PDE1A: variants seen among roughly 807,000 people sequenced by gnomAD.
The protein encoded by PDE1A is dual specificity calcium/calmodulin-dependent 3',5'-cyclic nucleotide phosphodiesterase 1A.
A neutral mutation model predicts 61.7 loss-of-function variants in PDE1A; 35 were observed. The ratio of observed to expected loss-of-function variants is 0.57; its 90% confidence interval spans 0.43 to 0.75. PDE1A has a LOEUF of 0.75. Among genes scored for constraint, PDE1A ranks in the 30% least tolerant of loss-of-function variants. PDE1A has a pLI of 0.00. For missense variants in PDE1A, 597 were observed against 630.6 expected, an observed-to-expected ratio of 0.95 and a Z score of 0.57; for synonymous variants, 232 against 213.2, an observed-to-expected ratio of 1.09 and a Z score of -0.77.
At chr2:182,320,674 A>G (rs1696641918) in intron 1 of PDE1A, among the ~76,000 whole-genome samples, 1 of 152,218 alleles carries the variant, frequency 6.6e-6, no homozygotes. Context: ...AATTTTAGCA[A>G]TAAATCACTT....
chr2:182,504,601 G>C (rs1689283541), intron 2 of PDE1A, among the ~76,000 whole-genome samples: 1 of 152,178 alleles, frequency 6.6e-6, no homozygotes, highest in Non-Finnish European at 1.5e-5. Flanking sequence ...TATTTCGGTT[G>C]TGAATTTCAT....
chr2:182,451,222 CA>C lies in PDE1A; in HGVS notation c.101+71053del, dbSNP rs1239681284. 5.8e-5 allele frequency among the ~76,000 whole-genome samples: 4 copies of C among 69,072 alleles called. 1 individual carries two copies. Among genetic ancestry groups the C allele is most frequent in the Non-Finnish European group, 1.1e-4 (4 of 35,234 alleles). The allele number at this position is 69,072 out of a possible 152,430, so 45.3% of individuals were successfully genotyped here. ...TGAAACCCTGTCTCTACTAAAAATA[CA>C]AAAAAATTAGCCGGGCGTAGTGGCG... On this transcript the variant is annotated intron_variant, in intron 2 of 14. Coordinates refer to the PDE1A transcript ENST00000410103.
chr2:182,460,170 A>G (rs1686185967), intron 2 of PDE1A, among the ~76,000 whole-genome samples: 1 of 152,092 alleles, frequency 6.6e-6, no homozygotes, highest in Admixed American at 6.6e-5. Flanking sequence ...AAATCCATCA[A>G]TCCAACTATT....
the PDE1A span, among the ~76,000 whole-genome samples, chr2:182,616,676 G>A: frequency 6.6e-6 from 1 of 152,328 alleles, no homozygotes; most frequent in South Asian, 2.1e-4. Flanking sequence ...GAGCATCTTT[G>A]CTAGGCAGTT....
At chr2:182,657,105 C>A in the PDE1A span, among the ~76,000 whole-genome samples, 694 of 152,216 alleles carry the variant, frequency 4.6e-3, 3 homozygotes, top group Non-Finnish European at 7.9e-3. Context: ...TGCCTATAGT[C>A]CCAGCTACTT....
At chr2:182,324,784 G>T (rs539269776) in intron 1 of PDE1A, among the ~76,000 whole-genome samples, 9 of 152,218 alleles carry the variant, frequency 5.9e-5, no homozygotes, top group African/African-American at 2.2e-4. Flanking sequence ...TCACTGTACA[G>T]TTGACTGCCC....
chr2:182,202,443 G>A (rs1686737823), intron 8 of PDE1A, among the ~76,000 whole-genome samples: 1 of 152,162 alleles, frequency 6.6e-6, no homozygotes, highest in Non-Finnish European at 1.5e-5. Context: ...TTAGCAACTA[G>A]TTGCTTTGTA....
At chr2:182,151,367 A>G (rs1196494712) in intron 13 of PDE1A, among the ~76,000 whole-genome samples, 1 of 152,156 alleles carries the variant, frequency 6.6e-6, no homozygotes, top group East Asian at 1.9e-4. Flanking sequence ...GGCCTCCCAA[A>G]GTGCTGGGAT....
At chr2:182,228,320 C>G (rs1285611970) in intron 6 of PDE1A, among the ~76,000 whole-genome samples, 2 of 152,160 alleles carry the variant, frequency 1.3e-5, no homozygotes, top group South Asian at 4.1e-4. Context: ...CAGGAATGGT[C>G]CTTAAAACAT....
chr2:182,247,736 T>C (rs1417255514), intron 2 of PDE1A, among the ~76,000 whole-genome samples: 1 of 152,216 alleles, frequency 6.6e-6, no homozygotes, highest in Non-Finnish European at 1.5e-5. Flanking sequence ...TTCCTATACA[T>C]TTATCTAAGA....
chr2:182,417,933 C>T lies in PDE1A; in HGVS notation c.53+8645G>A, dbSNP rs79661983. 2.2e-4 allele frequency among the ~76,000 whole-genome samples: 34 copies of T among 152,092 alleles called. 1 individual carries two copies. The East Asian group carries it at 6.4e-3, about 28-fold the overall frequency. ...TTGTGAATCACTGTTTCAAAATAAA[C>T]GTTATATAATTTGCAGGTATTACAA... On this transcript the variant is annotated intron_variant, in intron 1 of 13. Coordinates refer to ENST00000351439, the Ensembl canonical transcript of PDE1A.
intron 2 of PDE1A, among the ~76,000 whole-genome samples, chr2:182,502,903 AT>A (rs1486766352): frequency 6.6e-6 from 1 of 152,156 alleles, no homozygotes; most frequent in Admixed American, 6.5e-5. Flanking sequence ...AAATAGGCAC[AT>A]TATTACCTTT....
At chr2:182,147,753 T>C (rs1574492182) in intron 13 of PDE1A, among the ~76,000 whole-genome samples, 1 of 152,172 alleles carries the variant, frequency 6.6e-6, no homozygotes, top group Non-Finnish European at 1.5e-5. Context: ...AAGAGTCTTA[T>C]TACATAAGCA....
At chr2:182,417,774 T>C (rs1703009756) in intron 1 of PDE1A, among the ~76,000 whole-genome samples, 1 of 152,140 alleles carries the variant, frequency 6.6e-6, no homozygotes, top group South Asian at 2.1e-4. Context: ...AGACAGCTTG[T>C]AGGAATACAT....
the PDE1A span, among the ~76,000 whole-genome samples, chr2:182,529,976 A>G: frequency 6.6e-6 from 1 of 152,228 alleles, no homozygotes; most frequent in Admixed American, 6.5e-5. Context: ...TTGGATTTTC[A>G]GAAGTGTAAA....
At chr2:182,559,132 G>C in the PDE1A span, among the ~76,000 whole-genome samples, 1 of 152,122 alleles carries the variant, frequency 6.6e-6, no homozygotes, top group Non-Finnish European at 1.5e-5. Flanking sequence ...CCAGTGATCA[G>C]TTTTTTAAAA....
chr2:182,465,423 T>A (rs564815491), intron 2 of PDE1A, among the ~76,000 whole-genome samples: 6 of 151,484 alleles, frequency 4.0e-5, no homozygotes, highest in South Asian at 4.2e-4. Context: ...ATTTTTTTTT[T>A]AAATCTGATA....
chr2:182,334,644 T>A (rs1574380600), intron 1 of PDE1A, among the ~76,000 whole-genome samples: 1 of 152,244 alleles, frequency 6.6e-6, no homozygotes, highest in South Asian at 2.1e-4. Context: ...TAAGAGCTAT[T>A]TATGACAAAC....
chr2:182,651,619 C>A, the PDE1A span, among the ~76,000 whole-genome samples: 1 of 152,122 alleles, frequency 6.6e-6, no homozygotes, highest in Non-Finnish European at 1.5e-5. Flanking sequence ...CTTTTGTGTG[C>A]ACTTTTTAAA....
Sources: allele counts gnomAD v4.1 joint callset (sites outside exome capture counted in the v4.1 genomes callset), GRCh38; gene constraint gnomAD v4.1.1; transcripts MANE v1.5; gene names NCBI Gene and HGNC (gene_info 2026-07-23, HGNC 2026-07-21).